Variants in IKZF3 observed in about 807,000 individuals in gnomAD.
IKZF3 encodes IKAROS family zinc finger 3.
Under a neutral mutation model 49.0 loss-of-function variants are expected in IKZF3, and 10 were observed. The observed-to-expected ratio is 0.20, with a 90% CI of 0.13 to 0.35. IKZF3 has a LOEUF of 0.35. Ranked by LOEUF, IKZF3 falls within the 10% of genes least tolerant of loss-of-function variation. IKZF3 has a pLI of 1.00. For synonymous variants in IKZF3, 209 were observed against 228.2 expected, an observed-to-expected ratio of 0.92 and a Z score of 0.76; for missense variants, 498 against 664.8, an observed-to-expected ratio of 0.75 and a Z score of 2.76.
At chr17:39,788,125 G>T in intron 6 of IKZF3, 133 bp downstream of exon 6, 1 of 605,178 alleles carries the variant, frequency 1.7e-6, no homozygotes, top group South Asian at 2.2e-5. Context: ...CCAACTTACA[G>T]TTTGCTCATT....
intron 1 of IKZF3, chr17:39,835,494 C>T: frequency 2.3e-6 from 1 of 441,282 alleles, no homozygotes; most frequent in Non-Finnish European, 4.5e-6. Context: ...AGATCTCCGT[C>T]TTTGTACAAC....
chr17:39,808,108 A>G (rs2061474636), intron 3 of IKZF3, among the ~76,000 whole-genome samples: 1 of 152,172 alleles, frequency 6.6e-6, no homozygotes, highest in African/African-American at 2.4e-5. Flanking sequence ...TCTGATACTG[A>G]CTCTGTCTCA....
chr17:39,863,049 G>T (rs576282308), intron 1 of IKZF3, among the ~76,000 whole-genome samples: 2 of 152,126 alleles, frequency 1.3e-5, no homozygotes, highest in African/African-American at 4.8e-5. Context: ...AAGCATATGA[G>T]CTTTTCAAAA....
intron 3 of IKZF3, among the ~76,000 whole-genome samples, chr17:39,797,982 AG>A (rs1489213575): frequency 6.6e-6 from 1 of 151,968 alleles, no homozygotes; most frequent in Non-Finnish European, 1.5e-5. Flanking sequence ...AAGGCTTCCT[AG>A]GTATCTTCCC....
intron 1 of IKZF3, among the ~76,000 whole-genome samples, chr17:39,844,925 G>A (rs1051161857): frequency 6.6e-6 from 1 of 152,154 alleles, no homozygotes; most frequent in African/African-American, 2.4e-5. Flanking sequence ...TTTCCCACAA[G>A]AATGTAAGCT....
chr17:39,815,020 T>C (rs1159044321), intron 3 of IKZF3, among the ~76,000 whole-genome samples: 1 of 152,096 alleles, frequency 6.6e-6, no homozygotes, highest in Non-Finnish European at 1.5e-5. Context: ...TAAATAGAGA[T>C]AGTGGATGAT....
At chr17:39,853,696 G>A (rs34020832) in intron 1 of IKZF3, among the ~76,000 whole-genome samples, 4,057 of 152,040 alleles carry the variant, frequency 0.027, 190 homozygotes, top group African/African-American at 0.093. Flanking sequence ...TTAGCCAGGC[G>A]TGGTGGCACA....
In IKZF3 at chr17:39,853,097, C is replaced by T. The variant is rs79113275; in HGVS notation, c.7+11023G>A. Among the ~76,000 whole-genome samples, 948 of 152,266 alleles carry T rather than the reference C, an allele frequency of 6.2e-3. 6 individuals carry two copies. The highest frequency in any genetic ancestry group is 0.011 in the South Asian group (55 of 4,826). ...CTCCTTCCATTACTCTCCAAATTAG[C>T]ATTCTTTTTATTTCCTTCATAGCAC... On this transcript the variant is annotated intron_variant, in intron 1 of 7. Transcript: ENST00000346872.
intron 1 of IKZF3, among the ~76,000 whole-genome samples, chr17:39,832,771 T>C (rs907807555): frequency 2.6e-5 from 4 of 151,960 alleles, no homozygotes; most frequent in African/African-American, 9.7e-5. Context: ...GTAAAACATA[T>C]AGTTACATAG....
chr17:39,805,778 C>T (rs963363754), intron 3 of IKZF3, among the ~76,000 whole-genome samples: 18 of 152,180 alleles, frequency 1.2e-4, no homozygotes, highest in African/African-American at 4.3e-4. Flanking sequence ...TTCAAGGCTG[C>T]AAGCAAAGAT....
In IKZF3 at chr17:39,772,806, G is replaced by A. The variant is rs867236601; in HGVS notation, c.826+4845C>T. On this transcript the variant is annotated intron_variant, in intron 7 of 7. Coordinates refer to ENST00000346872, the MANE Select transcript of IKZF3 (RefSeq NM_012481.5). ...AGGGAGAACAATTGCCCTTCTTCAAGGGTTTTTTTCCTCCTATCAATTTTC... is the reference window on the plus strand; with the variant it reads ...AGGGAGAACAATTGCCCTTCTTCAAAGGTTTTTTTCCTCCTATCAATTTTC... Among the ~76,000 whole-genome samples the A allele has an allele frequency of 2.6e-5, 4 of 152,190 alleles. No homozygotes were observed. The Middle Eastern group carries it at 0.01, about 388-fold the overall frequency.
intron 3 of IKZF3, among the ~76,000 whole-genome samples, chr17:39,803,728 G>C (rs984948164): frequency 6.6e-6 from 1 of 152,002 alleles, no homozygotes; most frequent in African/African-American, 2.4e-5. Context: ...GGTCAGGCTG[G>C]TCTCGAACTC....
At position 39,832,089 on chromosome 17, in the gene IKZF3, T is replaced by C. The variant is rs546681689; in HGVS notation, c.61+9A>G. ...GGTATATTTCCAGAGAGGAAAGACCTGATGTTACCTGCGGGCACAGACTGC... is the reference window on the plus strand; with the variant it reads ...GGTATATTTCCAGAGAGGAAAGACCCGATGTTACCTGCGGGCACAGACTGC... On this transcript the variant is annotated intron_variant, in intron 2 of 7. Coordinates refer to ENST00000346872, the MANE Select transcript of IKZF3 (RefSeq NM_012481.5). 1.2e-6 allele frequency: 2 copies of C among 1,604,454 alleles called. No homozygotes were observed. The highest frequency in any genetic ancestry group is 2.2e-5 in the South Asian group (2 of 90,544).
At chr17:39,805,554 T>C (rs145995199) in intron 3 of IKZF3, among the ~76,000 whole-genome samples, 170 of 152,346 alleles carry the variant, frequency 1.1e-3, no homozygotes, top group Non-Finnish European at 1.8e-3. Flanking sequence ...ATTTAGACTT[T>C]TACCCATCTC....
chr17:39,813,357 T>C (rs1026332399), intron 3 of IKZF3, among the ~76,000 whole-genome samples: 5 of 150,904 alleles, frequency 3.3e-5, no homozygotes, highest in Admixed American at 6.6e-5. Context: ...GTTAAAAAGT[T>C]TCAAGGGCCA....
intron 1 of IKZF3, among the ~76,000 whole-genome samples, chr17:39,853,596 G>A (rs576808699): frequency 5.5e-4 from 84 of 152,284 alleles, no homozygotes; most frequent in Admixed American, 1.3e-4. Context: ...AGCACTTTGG[G>A]AGGCCAAGGC....
At chr17:39,840,997 C>T (rs576881604) in intron 1 of IKZF3, among the ~76,000 whole-genome samples, 2 of 151,748 alleles carry the variant, frequency 1.3e-5, no homozygotes, top group African/African-American at 2.4e-5. Context: ...GGCAACATGG[C>T]GAAACCCCAT....
At chr17:39,798,646 C>T (rs1330006775) in intron 3 of IKZF3, among the ~76,000 whole-genome samples, 1 of 151,966 alleles carries the variant, frequency 6.6e-6, no homozygotes, top group Non-Finnish European at 1.5e-5. Flanking sequence ...GCTGGGACTA[C>T]AGGCGCCCAC....
At chr17:39,839,163 T>G (rs1316408904) in intron 1 of IKZF3, among the ~76,000 whole-genome samples, 2 of 152,036 alleles carry the variant, frequency 1.3e-5, no homozygotes, top group East Asian at 1.9e-4. Flanking sequence ...TTTTTTTTTT[T>G]CGTATTTTTT....
Sources: gnomAD v4.1 joint callset for allele counts (sites outside exome capture counted in the v4.1 genomes callset) on GRCh38, gnomAD v4.1.1 for gene constraint, MANE v1.5 for transcripts, NCBI Gene and HGNC (gene_info 2026-07-23, HGNC 2026-07-21) for gene names.